FAM135A: variants seen among roughly 807,000 people sequenced by gnomAD.
FAM135A encodes family with sequence similarity 135 member A.
A neutral mutation model predicts 146.8 loss-of-function variants in FAM135A; 79 were observed. The ratio of observed to expected loss-of-function variants is 0.54; its 90% CI spans 0.45 to 0.65. FAM135A has a LOEUF of 0.65. Ranked by LOEUF, FAM135A falls within the 30% of genes least tolerant of loss-of-function variation. FAM135A has a pLI of 0.00. For missense variants in FAM135A, 1,623 were observed against 1,758.2 expected (o/e 0.92, Z 1.38); for synonymous variants, 562 against 603.6 (o/e 0.93, Z 1.01).
intron 7 of FAM135A, 41 bp from the exon 8 acceptor site, chr6:70,477,118 T>C (rs1193266787): frequency 1.3e-6 from 2 of 1,567,928 alleles, no homozygotes; most frequent in Admixed American, 1.9e-5. Context: ...TGGCGTTTAC[T>C]AAATGTTTCA....
Position 70,481,013 on chromosome 6 carries a change from C to G in FAM135A, c.655C>G (p.Gln219Glu). 11 of 1,601,184 alleles carry G rather than the reference C, an allele frequency of 6.9e-6. No individual in the cohort carries two copies. Among genetic ancestry groups the G allele is most frequent in the Non-Finnish European group, 9.4e-6 (11 of 1,174,932 alleles). ...GGTCTTTGGTATTAACTACACAAAA[C>G]AGTTATCACCAGATGTAAGAACTGA... Reference protein sequence around the residue: ...SVVFGINYTKQLSPDGCSFII... With the variant: ...SVVFGINYTKELSPDGCSFII... The change falls in exon 9 of 22, where the codon CAG becomes GAG. Residue 219 changes from glutamine (Q) to glutamate (E), a missense_variant. Gln to Glu is a conservative substitution (Grantham distance 29, BLOSUM62 2). Transcript: ENST00000418814.
chr6:70,469,286 G>T (rs928683539), intron 5 of FAM135A, among the ~76,000 whole-genome samples: 1 of 152,146 alleles, frequency 6.6e-6, no homozygotes, highest in Non-Finnish European at 1.5e-5. Flanking sequence ...CTAGGAAGTT[G>T]CACATCTGTT....
chr6:70,454,787 GCCATGCTGTTTTGGTACCAGTA>G (rs1048618115), intron 5 of FAM135A, among the ~76,000 whole-genome samples: 2 of 151,958 alleles, frequency 1.3e-5, no homozygotes, highest in African/African-American at 4.8e-5. Flanking sequence ...TGGTACCAGT[GCCATGCTGTTTTGGTACCAGTA>G]CCATGCTGTG....
intron 18 of FAM135A, among the ~76,000 whole-genome samples, chr6:70,535,355 TC>T (rs1026063586): frequency 6.6e-6 from 1 of 151,050 alleles, no homozygotes; most frequent in Non-Finnish European, 1.5e-5. Flanking sequence ...AAACCAGGGG[TC>T]CCCAAACCCT....
chr6:70,449,114 G>A (rs534568987), intron 4 of FAM135A, among the ~76,000 whole-genome samples: 2 of 152,302 alleles, frequency 1.3e-5, no homozygotes, highest in South Asian at 4.1e-4. Flanking sequence ...TAACAGAGAA[G>A]TGGCTTTCTT....
chr6:70,462,940 C>G (rs1779689310), intron 5 of FAM135A, among the ~76,000 whole-genome samples: 1 of 151,056 alleles, frequency 6.6e-6, no homozygotes. Flanking sequence ...TATCTTTCTC[C>G]TCTATTAGTT....
At chr6:70,545,047 G>C (rs1798599190) in intron 20 of FAM135A, among the ~76,000 whole-genome samples, 1 of 150,138 alleles carries the variant, frequency 6.7e-6, no homozygotes, top group African/African-American at 2.4e-5. Flanking sequence ...CTGAAACTCT[G>C]TCTCAAAAAA....
chr6:70,418,676 A>G (rs928321523), intron 2 of FAM135A, among the ~76,000 whole-genome samples: 14 of 152,214 alleles, frequency 9.2e-5, no homozygotes, highest in East Asian at 1.9e-4. Context: ...TAGTCTCTGT[A>G]AGAGGGAGCT....
At position 70,526,072 on chromosome 6, in the gene FAM135A, GA is replaced by G. The variant is rs780725577; in HGVS notation, c.2996del (p.Asn999IlefsTer5). 1.6e-5 allele frequency: 25 copies of G among 1,610,960 alleles called. No individual in the cohort carries two copies. Among genetic ancestry groups the G allele is most frequent in the South Asian group, 4.4e-5 (4 of 90,558 alleles). ...CAGATGTTAGTGAAGATAGAACTAT[GA>G]AAAAAAATAGTGATGTATTAAATCT... is the stretch of plus-strand genomic sequence containing the variant. ...NTDVSEDRTM[K>X]KNSDVLNLTQ... On this transcript the variant is annotated frameshift_variant, in exon 15 of 22. Coordinates refer to ENST00000418814, the MANE Select transcript of FAM135A (RefSeq NM_001162529.3). LOFTEE classifies it high-confidence loss of function.
At position 70,533,763 on chromosome 6, in the gene FAM135A, A is replaced by G; in HGVS notation, c.3874A>G (p.Thr1292Ala). The change falls in exon 18 of 22, where the codon ACT becomes GCT. Residue 1292 changes from threonine (T) to alanine (A), a missense_variant. Transcript: ENST00000418814. The part of the protein sequence containing the change: ...FLMSERNQND[T>A]FADFDSMTDR... Reference sequence around the variant, plus strand: ...TGCTTTGCTTTCTTTTTAGAATGATACTTTTGCTGATTTTGATAGCATGAC... The same window carrying G: ...TGCTTTGCTTTCTTTTTAGAATGATGCTTTTGCTGATTTTGATAGCATGAC... 1 of 1,573,084 alleles carries G rather than the reference A, an allele frequency of 6.4e-7. No homozygotes were observed. The highest frequency in any genetic ancestry group is 8.6e-7 in the Non-Finnish European group (1 of 1,159,714).
At chr6:70,501,075 A>C (rs1039126428) in intron 11 of FAM135A, among the ~76,000 whole-genome samples, 1 of 152,172 alleles carries the variant, frequency 6.6e-6, no homozygotes, top group Non-Finnish European at 1.5e-5. Flanking sequence ...AGGAATGATT[A>C]AATCTGCTGA....
chr6:70,527,518 G>T (rs16869312), intron 15 of FAM135A, among the ~76,000 whole-genome samples: 1 of 152,120 alleles, frequency 6.6e-6, no homozygotes, highest in South Asian at 2.1e-4. Flanking sequence ...TTATATCACC[G>T]TCTGGTTACT....
chr6:70,445,331 G>A lies in FAM135A; in HGVS notation c.78-7161G>A, dbSNP rs113462905. Among the ~76,000 whole-genome samples the A allele has an allele frequency of 7.8e-3, 1,176 of 150,820 alleles. 10 individuals are homozygous for A. The highest frequency in any genetic ancestry group is 0.013 in the Non-Finnish European group (869 of 67,934). ...CCCTTTAAGAAAGCTGTTGACCATT[G>A]GTATGGAATATTTAGATATGGTTTC... is the stretch of plus-strand genomic sequence containing the variant. On this transcript the variant is annotated intron_variant, in intron 4 of 21. Coordinates refer to ENST00000418814, the MANE Select transcript of FAM135A (RefSeq NM_001162529.3).
At chr6:70,539,133 T>C (rs1440143148) in intron 20 of FAM135A, among the ~76,000 whole-genome samples, 1 of 152,056 alleles carries the variant, frequency 6.6e-6, no homozygotes, top group East Asian at 1.9e-4. Context: ...TTTTCCAGTG[T>C]CCTTTGAAAT....
chr6:70,458,039 C>T (rs1778709181), intron 5 of FAM135A, among the ~76,000 whole-genome samples: 1 of 152,048 alleles, frequency 6.6e-6, no homozygotes, highest in Admixed American at 6.5e-5. Context: ...TTGTGGCAGA[C>T]ACCAGTCTAT....
intron 20 of FAM135A, among the ~76,000 whole-genome samples, chr6:70,549,895 ACTG>A (rs1382365503): frequency 6.6e-6 from 1 of 152,134 alleles, no homozygotes; most frequent in African/African-American, 2.4e-5. Flanking sequence ...AAACCCTGCC[ACTG>A]CTTTTTCAAC....
intron 20 of FAM135A, among the ~76,000 whole-genome samples, chr6:70,554,224 C>T (rs1244399275): frequency 3.3e-5 from 5 of 152,176 alleles, no homozygotes; most frequent in African/African-American, 1.2e-4. Context: ...AAAGAGAGTG[C>T]TGCCTTATAT....
At chr6:70,452,007 TAAAC>T (rs1777201622) in intron 4 of FAM135A, among the ~76,000 whole-genome samples, 1 of 151,752 alleles carries the variant, frequency 6.6e-6, no homozygotes, top group African/African-American at 2.4e-5. Context: ...TAAAAGTACA[TAAAC>T]AAATAGCTCT....
At chr6:70,549,582 A>G (rs552408621) in intron 20 of FAM135A, among the ~76,000 whole-genome samples, 47 of 152,246 alleles carry the variant, frequency 3.1e-4, no homozygotes, top group African/African-American at 1.1e-3. Flanking sequence ...ACACTATACT[A>G]TAGTCAAGAG....
Sources: gnomAD v4.1 joint callset for allele counts (sites outside exome capture counted in the v4.1 genomes callset) on GRCh38, gnomAD v4.1.1 for gene constraint, MANE v1.5 for transcripts, NCBI Gene and HGNC (gene_info 2026-07-23, HGNC 2026-07-21) for gene names.